The following FAM184B variants were observed in gnomAD, a reference collection of about 807,000 sequenced individuals.
FAM184B encodes the protein protein FAM184B.
Under a neutral mutation model 135.9 loss-of-function variants are expected in FAM184B, and 111 were observed. That is an observed-to-expected ratio of 0.82 (90% CI 0.70 to 0.96). The LOEUF (loss-of-function observed/expected upper bound fraction) is 0.96, where lower values mean the gene tolerates loss of function less well. FAM184B is among the 40% of genes least tolerant of loss of function. The probability of loss-of-function intolerance (pLI) is 0.00; values close to 1 mark genes in which losing one functional copy is unlikely to be tolerated. For synonymous variants in FAM184B, 552 were observed against 524.8 expected, an observed-to-expected ratio of 1.05 and a Z score of -0.71; for missense variants, 1,375 against 1,323.9, an observed-to-expected ratio of 1.04 and a Z score of -0.60.
intron 12 of FAM184B, among the ~76,000 whole-genome samples, chr4:17,643,248 G>A (rs762073788): frequency 2.2e-4 from 34 of 152,192 alleles, no homozygotes; most frequent in Admixed American, 1.0e-3. Flanking sequence ...TTAGCTCAGC[G>A]GTGGCCAGCT....
At chr4:17,705,350 T>C (rs1054681930) in intron 4 of FAM184B, 144 bp from the exon 5 acceptor site, 18 of 689,562 alleles carry the variant, frequency 2.6e-5, no homozygotes, top group Middle Eastern at 3.9e-4. Context: ...TTTACAAGAC[T>C]ATATATTTGA....
At chr4:17,719,847 A>G (rs565608428) in intron 1 of FAM184B, among the ~76,000 whole-genome samples, 8 of 152,310 alleles carry the variant, frequency 5.3e-5, no homozygotes, top group Non-Finnish European at 8.8e-5. Flanking sequence ...CAGAGTCACT[A>G]GTGATGTCCA....
intron 13 of FAM184B, among the ~76,000 whole-genome samples, chr4:17,640,112 G>GTGA (rs1286956361): frequency 5.1e-5 from 2 of 38,850 alleles, no homozygotes; most frequent in African/African-American, 8.7e-5. Flanking sequence ...GATTACACGC[G>GTGA]TGAGCCACCA....
intron 11 of FAM184B, among the ~76,000 whole-genome samples, chr4:17,650,441 G>A (rs59168265): frequency 1.4e-3 from 210 of 152,318 alleles, no homozygotes; most frequent in African/African-American, 4.8e-3. Context: ...TGGGACTGGT[G>A]CTGAGAAGCC....
rs183362681 is a variant in FAM184B at position 17,684,991 on chromosome 4, A to C, written c.1596+3433T>G. ...CTCACTTATAAGTGGGAGCTGAGCA[A>C]TGAGAACACATGGATGCAGGGAGGG... On this transcript the variant is annotated intron_variant, in intron 7 of 17. Coordinates refer to ENST00000265018, the MANE Select transcript of FAM184B (RefSeq NM_015688.2). Among the ~76,000 whole-genome samples, 181 of 152,126 alleles carry C rather than the reference A, an allele frequency of 1.2e-3. No homozygotes were observed. In the Middle Eastern group the frequency reaches 0.02, roughly 17 times the overall value.
Position 17,781,118 on chromosome 4 carries a change from C to T in FAM184B, c.141+41G>A. 1 of 1,477,918 alleles carries T rather than the reference C, an allele frequency of 6.8e-7. No individual in the cohort carries two copies. Among genetic ancestry groups the T allele is most frequent in the South Asian group, 1.4e-5 (1 of 71,364 alleles). The allele number at this position is 1,477,918 out of a possible 1,614,324, so 91.6% of individuals were successfully genotyped here. A position where few individuals can be genotyped will look rare whatever the true frequency, so the allele number is the denominator to read the frequency against. ...CCGCACTGACTCCCGGCTCGGGCGC[C>T]CCGGGCGTGCAGCTCGCTGGCCCGC... On this transcript the variant is annotated intron_variant, in intron 1 of 17. Transcript: ENST00000265018. This position sits in a 1 kb window ranked among gnomAD's most constrained non-coding sequence, Gnocchi z 6.5.
At chr4:17,775,909 G>T (rs892819985) in intron 1 of FAM184B, among the ~76,000 whole-genome samples, 1 of 152,198 alleles carries the variant, frequency 6.6e-6, no homozygotes, top group African/African-American at 2.4e-5. Flanking sequence ...TATCCTATTC[G>T]TGTGATGGTT....
At chr4:17,661,874 T>C (rs547495703) in intron 8 of FAM184B, among the ~76,000 whole-genome samples, 18 of 152,362 alleles carry the variant, frequency 1.2e-4, no homozygotes, top group African/African-American at 4.3e-4. Flanking sequence ...ATTATTATTC[T>C]TTTTAATGTT....
chr4:17,654,584 C>T (rs1333044197), intron 10 of FAM184B, among the ~76,000 whole-genome samples: 1 of 152,202 alleles, frequency 6.6e-6, no homozygotes, highest in Non-Finnish European at 1.5e-5. Flanking sequence ...GGATTGTGAC[C>T]CATGAGTGAT....
intron 1 of FAM184B, among the ~76,000 whole-genome samples, chr4:17,769,622 A>G (rs1718768725): frequency 6.6e-6 from 1 of 152,168 alleles, no homozygotes; most frequent in African/African-American, 2.4e-5. Flanking sequence ...AGTGCACTTA[A>G]AACACTTGAA....
At chr4:17,688,250 G>A (rs868098170) in intron 7 of FAM184B, among the ~76,000 whole-genome samples, 174 bp downstream of exon 7, 2 of 146,352 alleles carry the variant, frequency 1.4e-5, no homozygotes, top group Non-Finnish European at 3.0e-5. Flanking sequence ...TATTTCCTTC[G>A]TGGTTTCTGT....
chr4:17,647,195 G>A (rs1715490151), intron 12 of FAM184B, among the ~76,000 whole-genome samples: 1 of 151,622 alleles, frequency 6.6e-6, no homozygotes, highest in East Asian at 1.9e-4. Context: ...TGTGGAGAAG[G>A]GTCTTCCCCA....
At chr4:17,686,575 A>G (rs1480207542) in intron 7 of FAM184B, among the ~76,000 whole-genome samples, 1 of 152,216 alleles carries the variant, frequency 6.6e-6, no homozygotes, top group Non-Finnish European at 1.5e-5. Flanking sequence ...CCTGCCTGTG[A>G]CTGTGGGCAG....
At chr4:17,759,423 C>G (rs953575827) in intron 1 of FAM184B, among the ~76,000 whole-genome samples, 1 of 152,206 alleles carries the variant, frequency 6.6e-6, no homozygotes, top group African/African-American at 2.4e-5. Flanking sequence ...TCCAGTACAG[C>G]CTGCAGAATC....
chr4:17,652,944 G>A lies in FAM184B; in HGVS notation c.2077C>T (p.Leu693Phe), dbSNP rs985077173. Residue 693 changes from leucine to phenylalanine, a missense_variant, in exon 11 of 18, where the codon CTC becomes TTC. By Grantham distance (22) the Leu-to-Phe change is conservative (BLOSUM62 0). Transcript: ENST00000265018. ...ERLKKESSHS[L>F]QIQHQTHRLE... ...CGGTGTGTCTGGTGTTGGATCTGGA[G>A]GCTGTGGCTGGATTCCTTCTTCAAG... The A allele has an allele frequency of 5.2e-6, 8 of 1,551,604 alleles. No individual in the cohort carries two copies. Among genetic ancestry groups the A allele is most frequent in the Non-Finnish European group, 6.1e-6 (7 of 1,147,002 alleles).
In FAM184B at chr4:17,652,951, G is replaced by A. The variant is rs774796039; in HGVS notation, c.2070C>T (p.Ser690=). The A allele has an allele frequency of 6.4e-6, 10 of 1,551,606 alleles. No homozygotes were observed. In the South Asian group the frequency reaches 1.1e-4, roughly 17 times the overall value. ...ATEERLKKES[S]HSLQIQHQTH... is the part of the protein sequence containing the mutation. ...TCTGGTGTTGGATCTGGAGGCTGTG[G>A]CTGGATTCCTTCTTCAAGCGTTCCT... Residue 690 remains serine (S), a synonymous_variant, in exon 11 of 18, where the codon AGC becomes AGT. Coordinates refer to ENST00000265018, the MANE Select transcript of FAM184B (RefSeq NM_015688.2).
chr4:17,702,411 G>A (rs1476003286), intron 5 of FAM184B, among the ~76,000 whole-genome samples: 4 of 152,114 alleles, frequency 2.6e-5, no homozygotes, highest in Non-Finnish European at 4.4e-5. Flanking sequence ...CTAATCTGGG[G>A]TCAAGGAAGG....
chr4:17,646,400 TA>T (rs1160552447), intron 12 of FAM184B, among the ~76,000 whole-genome samples: 1 of 152,008 alleles, frequency 6.6e-6, no homozygotes, highest in African/African-American at 2.4e-5. Flanking sequence ...TATGCAGCCA[TA>T]AAAAAGGAAT....
intron 1 of FAM184B, among the ~76,000 whole-genome samples, chr4:17,752,381 G>A (rs1718313416): frequency 6.6e-6 from 1 of 152,020 alleles, no homozygotes; most frequent in Non-Finnish European, 1.5e-5. Flanking sequence ...TGGATGGGAG[G>A]AGCAGGCAAT....
Sources: gnomAD v4.1 joint callset for allele counts (sites outside exome capture counted in the v4.1 genomes callset) on GRCh38, gnomAD v4.1.1 for gene constraint, Gnocchi (gnomAD v3.1) non-coding constraint, MANE v1.5 for transcripts, NCBI Gene and HGNC (gene_info 2026-07-23, HGNC 2026-07-21) for gene names.